Variants in NTN1 observed in about 807,000 individuals in gnomAD.
NTN1 encodes netrin 1, also known as netrin-1.
In NTN1, 11 loss-of-function variants were observed where a neutral mutation model predicts 54.2. That is an observed-to-expected ratio of 0.20 (90% CI 0.13 to 0.34). The LOEUF is 0.34. Ranked by LOEUF, NTN1 falls within the 10% of genes least tolerant of loss-of-function variation. The pLI, the probability that NTN1 is intolerant of heterozygous loss-of-function variation, is 1.00. For missense variants in NTN1, 740 were observed against 893.1 expected, an observed-to-expected ratio of 0.83 and a Z score of 2.18; for synonymous variants, 371 against 382.0, an observed-to-expected ratio of 0.97 and a Z score of 0.33.
chr17:9,115,807 C>T (rs1422196811), intron 2 of NTN1, among the ~76,000 whole-genome samples: 7 of 152,212 alleles, frequency 4.6e-5, no homozygotes, highest in Admixed American at 3.9e-4. Context: ...TGGTCTTGGC[C>T]GGCCGTGCGC....
At chr17:9,117,779 A>G (rs2092219036) in intron 2 of NTN1, among the ~76,000 whole-genome samples, 1 of 150,708 alleles carries the variant, frequency 6.6e-6, no homozygotes, top group Non-Finnish European at 1.5e-5. Flanking sequence ...ACCAAAAAAA[A>G]AAAAAAAACA....
rs576035060 is a variant in NTN1 at position 9,168,450 on chromosome 17, T to C, written c.1207+5449T>C. Among the ~76,000 whole-genome samples the C allele has an allele frequency of 5.9e-5, 9 of 152,088 alleles. 1 individual carries two copies. The South Asian group carries it at 1.9e-3, about 32-fold the overall frequency. ...GGGAGGCTGAGGCAGGAGAATTGCTTGAACCCAGGAGGCAGAGGTTGCAGT... is the reference window on the plus strand; with the variant it reads ...GGGAGGCTGAGGCAGGAGAATTGCTCGAACCCAGGAGGCAGAGGTTGCAGT... On this transcript the variant is annotated intron_variant, in intron 3 of 6. Coordinates refer to ENST00000173229, the MANE Select transcript of NTN1 (RefSeq NM_004822.3).
chr17:9,035,719 T>A (rs2091901355), intron 2 of NTN1, among the ~76,000 whole-genome samples: 1 of 152,000 alleles, frequency 6.6e-6, no homozygotes, highest in South Asian at 2.1e-4. Context: ...CTTGGGTATT[T>A]AAAAAAAATT....
intron 6 of NTN1, among the ~76,000 whole-genome samples, chr17:9,226,642 A>G (rs114329513): frequency 0.016 from 2,432 of 151,922 alleles, 63 homozygotes; most frequent in African/African-American, 0.055. Flanking sequence ...CTTGGAGGAG[A>G]GCCGCCAGGG....
rs1905099446 is a variant in NTN1 at position 9,211,165 on chromosome 17, C to G, written c.1412-10003C>G. On this transcript the variant is annotated intron_variant, in intron 5 of 6. Transcript: ENST00000173229. The surrounding 1 kb of genome is among the most constrained non-coding windows in gnomAD (Gnocchi z 4.4). ...ACTCCCTGCAAACTGTAAGCCTCATCTCTGGCTGTGCAAACCCCAGCTTTT... is the reference window on the plus strand; with the variant it reads ...ACTCCCTGCAAACTGTAAGCCTCATGTCTGGCTGTGCAAACCCCAGCTTTT... Among the ~76,000 whole-genome samples the G allele has an allele frequency of 6.6e-6, 1 of 152,172 alleles. No individual in the cohort carries two copies. Among genetic ancestry groups the G allele is most frequent in the Non-Finnish European group, 1.5e-5 (1 of 68,040 alleles).
At chr17:9,164,201 G>A (rs2092367276) in intron 3 of NTN1, among the ~76,000 whole-genome samples, 1 of 152,214 alleles carries the variant, frequency 6.6e-6, no homozygotes. Flanking sequence ...AAGACGGGCG[G>A]ATCACCCTAG....
the NTN1 span, among the ~76,000 whole-genome samples, chr17:9,009,289 C>A: frequency 6.6e-6 from 1 of 152,190 alleles, no homozygotes; most frequent in Non-Finnish European, 1.5e-5. Context: ...GAGCTCCCTG[C>A]AAGCAGACCT....
chr17:9,055,748 G>T (rs1309149889), intron 2 of NTN1, among the ~76,000 whole-genome samples: 4 of 152,026 alleles, frequency 2.6e-5, no homozygotes, highest in African/African-American at 9.7e-5. Flanking sequence ...TTGAGACAGG[G>T]TCTCACTCTG....
intron 2 of NTN1, among the ~76,000 whole-genome samples, chr17:9,100,182 GTGTGT>G (rs2092145255): frequency 2.9e-5 from 1 of 35,062 alleles, no homozygotes; most frequent in African/African-American, 9.8e-5. Flanking sequence ...ATGTGTATAT[GTGTGT>G]ATATATATAT....
chr17:9,145,872 C>CA (rs2092311739), intron 2 of NTN1, among the ~76,000 whole-genome samples: 1 of 139,598 alleles, frequency 7.2e-6, no homozygotes, highest in Non-Finnish European at 1.5e-5. Context: ...GAGCTGAGAT[C>CA]GGCCACTGCA....
intron 2 of NTN1, among the ~76,000 whole-genome samples, chr17:9,141,320 A>T (rs1228740978): frequency 6.6e-6 from 1 of 152,102 alleles, no homozygotes; most frequent in Non-Finnish European, 1.5e-5. Flanking sequence ...CAAGCATGAA[A>T]GGGAGGCAGC....
At chr17:9,193,059 G>A (rs1315603259) in intron 5 of NTN1, among the ~76,000 whole-genome samples, 4 of 129,644 alleles carry the variant, frequency 3.1e-5, no homozygotes, top group South Asian at 2.4e-4. Flanking sequence ...CAGCCTGGGC[G>A]ACAGAGTGAG....
chr17:9,072,496 G>A lies in NTN1; in HGVS notation c.1018+49105G>A, dbSNP rs112412596. Among the ~76,000 whole-genome samples the A allele has an allele frequency of 2.9e-3, 449 of 152,206 alleles. 6 individuals carry two copies. The highest frequency in any genetic ancestry group is 1.0e-2 in the African/African-American group (414 of 41,522). On this transcript the variant is annotated intron_variant, in intron 2 of 6. Coordinates refer to ENST00000173229, the MANE Select transcript of NTN1 (RefSeq NM_004822.3). ...GCCCAAAAAGCTTTGAGAGGTGGGC[G>A]GGGATGTGGAGGTGAAGCCCTTCAG...
chr17:9,106,744 A>T (rs951430450), intron 2 of NTN1, among the ~76,000 whole-genome samples: 1 of 151,974 alleles, frequency 6.6e-6, no homozygotes, highest in African/African-American at 2.4e-5. Flanking sequence ...CGAACTCCTG[A>T]CCTCAGGTGA....
chr17:9,012,721 T>A, the NTN1 span, among the ~76,000 whole-genome samples: 1 of 152,106 alleles, frequency 6.6e-6, no homozygotes, highest in African/African-American at 2.4e-5. Context: ...CCTCCCCTCC[T>A]GGCACGTCCT....
intron 2 of NTN1, among the ~76,000 whole-genome samples, chr17:9,094,427 A>G (rs1467230942): frequency 1.3e-5 from 2 of 152,158 alleles, no homozygotes; most frequent in Non-Finnish European, 2.9e-5. Flanking sequence ...ATACATATAT[A>G]TGTACACACA....
At chr17:9,138,824 T>TG (rs920179973) in intron 2 of NTN1, among the ~76,000 whole-genome samples, 2 of 152,034 alleles carry the variant, frequency 1.3e-5, no homozygotes, top group African/African-American at 4.8e-5. Context: ...GAGTCTTGGT[T>TG]GGTCAGGACC....
intron 6 of NTN1, among the ~76,000 whole-genome samples, chr17:9,233,643 C>T (rs1350254449): frequency 6.6e-6 from 1 of 151,972 alleles, no homozygotes; most frequent in Non-Finnish European, 1.5e-5. Context: ...CCAAGTCCCC[C>T]TCTGGAGGAA....
intron 4 of NTN1, among the ~76,000 whole-genome samples, chr17:9,180,352 C>T (rs7207642): frequency 6.6e-6 from 1 of 152,220 alleles, no homozygotes; most frequent in African/African-American, 2.4e-5. Flanking sequence ...TCAGTGGGTT[C>T]TGTCTTCAAT....
Sources: gnomAD v4.1 joint callset for allele counts (sites outside exome capture counted in the v4.1 genomes callset) on GRCh38, gnomAD v4.1.1 for gene constraint, Gnocchi (gnomAD v3.1) non-coding constraint, MANE v1.5 for transcripts, NCBI Gene and HGNC (gene_info 2026-07-23, HGNC 2026-07-21) for gene names.